Variants in LIPE observed in about 807,000 individuals in gnomAD.
LIPE encodes the protein lipase E, hormone sensitive type, also known as hormone-sensitive lipase.
A neutral mutation model predicts 88.5 loss-of-function variants in LIPE; 66 were observed. That is an observed-to-expected ratio of 0.75 (90% confidence interval 0.61 to 0.91). LIPE has a LOEUF of 0.91. LIPE is among the 40% of genes least tolerant of loss of function. The pLI is 0.00. For missense variants in LIPE, 1,346 were observed against 1,434.7 expected (o/e 0.94, Z 1.00); for synonymous variants, 570 against 617.5 (o/e 0.92, Z 1.14).
chr19:42,402,979 T>C lies in LIPE; in HGVS notation c.2595A>G (p.Pro865=). ...SEAALAQPQG[P]LGTDSLKNLT... Reference sequence around the variant, plus strand: ...GGTTCTTGAGGGAATCCGTGCCCAGTGGGCCCTGGGGCTGGGCCAGTGCTG... The same window carrying C: ...GGTTCTTGAGGGAATCCGTGCCCAGCGGGCCCTGGGGCTGGGCCAGTGCTG... Residue 865 remains proline (P), a synonymous_variant, in exon 9 of 10, where the codon CCA becomes CCG. Coordinates refer to ENST00000244289, the MANE Select transcript of LIPE (RefSeq NM_005357.4). 1.2e-6 allele frequency: 2 copies of C among 1,602,684 alleles called. No homozygotes were observed. The highest frequency in any genetic ancestry group is 1.7e-6 in the Non-Finnish European group (2 of 1,177,902).
At chr19:42,423,208 C>A (rs2040634845) in intron 1 of LIPE, 1 of 304,560 alleles carries the variant, frequency 3.3e-6, no homozygotes, top group Non-Finnish European at 6.4e-6. Context: ...CCGATCCGGG[C>A]GTCAGCTAGT....
In LIPE at chr19:42,426,513, G is replaced by A. The variant is rs1244913821; in HGVS notation, c.637C>T (p.Leu213=). The A allele has an allele frequency of 6.2e-7, 1 of 1,614,196 alleles. No individual in the cohort carries two copies. Among genetic ancestry groups the A allele is most frequent in the South Asian group, 1.1e-5 (1 of 91,086 alleles). Reference sequence around the variant, plus strand: ...TCTAGGGCTGATCGCTGTATGGATAGTTCCTGAAGTTTTGTTAGAAATCCC... The same window carrying A: ...TCTAGGGCTGATCGCTGTATGGATAATTCCTGAAGTTTTGTTAGAAATCCC... The part of the protein sequence containing the change: ...ELGFLTKLQE[L]SIQRSALEWK... Residue 213 remains leucine (L), a synonymous_variant, in exon 1 of 10, where the codon CTA becomes TTA. Transcript: ENST00000244289.
intron 1 of LIPE, chr19:42,424,743 G>C (rs1445193448): frequency 2.5e-6 from 1 of 396,310 alleles, no homozygotes; most frequent in Admixed American, 3.0e-5. Flanking sequence ...CACATCAGGG[G>C]ACTTCAACAA....
rs372004452 is a variant in LIPE, at chr19:42,402,688, TGAG to T, written c.2883_2885del (p.Ser962del). On this transcript the variant is annotated inframe_deletion, in exon 9 of 10. Transcript: ENST00000244289. ...ACATGAAGGGGTTCTTGACTATGGG[TGAG>T]GAGTAGAGGGGCATCTGTGTGGCAC... 2.3e-4 allele frequency: 346 copies of T among 1,515,218 alleles called. 1 individual carries two copies. The South Asian group carries it at 2.9e-3, about 13-fold the overall frequency. 93.9% of individuals were successfully genotyped at this position (1,515,218 alleles called of 1,614,324 possible).
chr19:42,405,544 G>A lies in LIPE; in HGVS notation c.2383C>T (p.His795Tyr), dbSNP rs1247315786. The change falls in exon 8 of 10, where the codon CAC becomes TAC. Residue 795 changes from histidine (H) to tyrosine (Y), a missense_variant. By Grantham distance (83) the His-to-Tyr change is moderately conservative. Coordinates refer to ENST00000244289, the MANE Select transcript of LIPE (RefSeq NM_005357.4). Reference sequence around the variant, plus strand: ...AGGGCTTTCTGGTCTGAGTTGGAGTGGTCCTCCGTCTTTGCACCTGCAGAA... The same window carrying A: ...AGGGCTTTCTGGTCTGAGTTGGAGTAGTCCTCCGTCTTTGCACCTGCAGAA... ...SAYAGAKTED[H>Y]SNSDQKALGM... The A allele has an allele frequency of 6.2e-7, 1 of 1,613,398 alleles. No homozygotes were observed. The highest frequency in any genetic ancestry group is 1.3e-5 in the African/African-American group (1 of 74,898).
intron 1 of LIPE, chr19:42,423,315 A>C (rs1600147084): frequency 1.2e-6 from 1 of 849,094 alleles, no homozygotes; most frequent in Admixed American, 3.1e-5. Flanking sequence ...CAGTCCGCGG[A>C]CCCCCCCAAC....
intron 1 of LIPE, among the ~76,000 whole-genome samples, chr19:42,416,698 T>A (rs570514360): frequency 1.3e-5 from 2 of 152,346 alleles, no homozygotes; most frequent in South Asian, 4.1e-4. Flanking sequence ...AAAGCCTGGA[T>A]GACAGCACGT....
chr19:42,412,979 C>A (rs2040414751), intron 1 of LIPE, among the ~76,000 whole-genome samples: 1 of 152,230 alleles, frequency 6.6e-6, no homozygotes, highest in Non-Finnish European at 1.5e-5. Context: ...GGTGTGACCA[C>A]ACTGGGTAAC....
rs770039483 is a variant in LIPE at position 42,406,268 on chromosome 19, T to C, written c.2258A>G (p.Tyr753Cys). ...VRVPDGIMAA[Y>C]PATMLQPAAS... is the part of the protein sequence containing the mutation. ...GGCAGGCTGCAGCATTGTGGCCGGG[T>C]AGGCTGCCATGATGCCATCTGGCAC... The change falls in exon 7 of 10, where the codon TAC becomes TGC. Residue 753 changes from tyrosine (Y) to cysteine (C), a missense_variant. Physicochemically the swap from Tyr to Cys is radical, Grantham distance 194. Transcript: ENST00000244289. The surrounding 1 kb of genome is among the most constrained non-coding windows in gnomAD (Gnocchi z 5.7). 8 of 1,613,338 alleles carry C rather than the reference T, an allele frequency of 5.0e-6. No homozygotes were observed. The East Asian group carries it at 1.6e-4, about 31-fold the overall frequency.
In LIPE at chr19:42,424,089, T is replaced by C. The variant is rs564265168; in HGVS notation, c.883+2178A>G. The C allele has an allele frequency of 2.8e-5, 33 of 1,189,496 alleles. No homozygotes were observed. In the East Asian group the frequency reaches 5.3e-4, roughly 19 times the overall value. 73.7% of individuals were successfully genotyped at this position (1,189,496 alleles called of 1,614,324 possible). On this transcript the variant is annotated intron_variant, in intron 1 of 9. Transcript: ENST00000244289. ...GAGGCGTGGCTGTGCCTGAGAGCCGTTGGAGGAGGGAGCCCCGCTTTCCCT... is the reference window on the plus strand; with the variant it reads ...GAGGCGTGGCTGTGCCTGAGAGCCGCTGGAGGAGGGAGCCCCGCTTTCCCT...
At chr19:42,404,961 C>T (rs7254853) in intron 8 of LIPE, among the ~76,000 whole-genome samples, 3,453 of 152,232 alleles carry the variant, frequency 0.023, 135 homozygotes, top group African/African-American at 0.076. Flanking sequence ...ACCTCTGCTA[C>T]CCAGGTTCAA....
intron 7 of LIPE, chr19:42,405,826 GGT>G (rs1388838079): frequency 1.8e-6 from 1 of 546,626 alleles, no homozygotes; most frequent in African/African-American, 1.9e-5. Context: ...TGGTAGTGGT[GGT>G]GCACGCCTGT....
intron 1 of LIPE, chr19:42,412,546 C>T: frequency 1.0e-6 from 1 of 986,272 alleles, no homozygotes; most frequent in Non-Finnish European, 1.2e-6. Flanking sequence ...GTAGAGGGCT[C>T]AGCTCCCTGC....
At position 42,410,467 on chromosome 19, in the gene LIPE, G is replaced by T. The variant is rs753251161; in HGVS notation, c.1259C>A (p.Thr420Asn). Reference protein sequence around the residue: ...AELEAYLAALTQLRALVYYAQ... With the variant: ...AELEAYLAALNQLRALVYYAQ... ...GTAGTAGACCAGAGCGCGGAGCTGGGTGAGGGCAGCCAGGTAGGCCTCCAG... is the reference window on the plus strand; with the variant it reads ...GTAGTAGACCAGAGCGCGGAGCTGGTTGAGGGCAGCCAGGTAGGCCTCCAG... The change falls in exon 2 of 10, where the codon ACC becomes AAC. Residue 420 changes from threonine to asparagine, a missense_variant. Transcript: ENST00000244289. This position sits in a 1 kb window ranked among gnomAD's most constrained non-coding sequence, Gnocchi z 6.1. 1 of 1,614,092 alleles carries T rather than the reference G, an allele frequency of 6.2e-7. No homozygotes were observed. The highest frequency in any genetic ancestry group is 8.5e-7 in the Non-Finnish European group (1 of 1,180,044).
chr19:42,406,367 C>G lies in LIPE; in HGVS notation c.2159G>C (p.Cys720Ser), dbSNP rs1188474532. The G allele has an allele frequency of 6.2e-7, 1 of 1,613,380 alleles. No homozygotes were observed. Among genetic ancestry groups the G allele is most frequent in the Non-Finnish European group, 8.5e-7 (1 of 1,179,444 alleles). Residue 720 changes from cysteine (C) to serine (S), a missense_variant, in exon 7 of 10, where the codon TGC becomes TCC. Physicochemically the swap from Cys to Ser is moderately radical, Grantham distance 112. Coordinates refer to ENST00000244289, the MANE Select transcript of LIPE (RefSeq NM_005357.4). The surrounding 1 kb of genome is among the most constrained non-coding windows in gnomAD (Gnocchi z 5.7). ...ALLGSTGERI[C>S]LAGDSAGGNL... is the part of the protein sequence containing the mutation. Reference sequence around the variant, plus strand: ...CCCGCCTGCACTGTCCCCCGCAAGGCAGATTCGTTCCCCTGTTGAGCCTGG... The same window carrying G: ...CCCGCCTGCACTGTCCCCCGCAAGGGAGATTCGTTCCCCTGTTGAGCCTGG...
chr19:42,412,155 C>T, intron 1 of LIPE: 1 of 455,082 alleles, frequency 2.2e-6, no homozygotes, highest in Non-Finnish European at 2.9e-6. Context: ...TATCCTTTCC[C>T]AGCCATTCAG....
chr19:42,406,607 G>T lies in LIPE; in HGVS notation c.2138-219C>A, dbSNP rs1409086146. ...TCAGGATGACTCAGGACCTGGAGAG[G>T]CCCAGGGAAGCACTGGGAAAGTCTG... On this transcript the variant is annotated intron_variant, in intron 6 of 9. Coordinates refer to ENST00000244289, the MANE Select transcript of LIPE (RefSeq NM_005357.4). This position sits in a 1 kb window ranked among gnomAD's most constrained non-coding sequence, Gnocchi z 5.7. Among the ~76,000 whole-genome samples the T allele has an allele frequency of 6.6e-6, 1 of 152,220 alleles. No homozygotes were observed. Among genetic ancestry groups the T allele is most frequent in the Non-Finnish European group, 1.5e-5 (1 of 68,032 alleles).
chr19:42,405,673 C>G, intron 7 of LIPE, 112 bp from the exon 8 acceptor site: 2 of 1,093,040 alleles, frequency 1.8e-6, no homozygotes, highest in Non-Finnish European at 2.6e-6. Context: ...CCAATCGCTT[C>G]AAAAGGGATA....
intron 8 of LIPE, 110 bp from the exon 9 acceptor site, chr19:42,403,141 T>C: frequency 8.9e-7 from 1 of 1,127,080 alleles, no homozygotes; most frequent in Non-Finnish European, 1.2e-6. Context: ...TGAAAGGCTG[T>C]GTTTCCCCAG....
Sources: allele counts gnomAD v4.1 joint callset (sites outside exome capture counted in the v4.1 genomes callset), GRCh38; gene constraint gnomAD v4.1.1; non-coding constraint Gnocchi (gnomAD v3.1); transcripts MANE v1.5; gene names NCBI Gene and HGNC (gene_info 2026-07-23, HGNC 2026-07-21).